The following SYNPO variants were observed in gnomAD, a reference collection of about 807,000 sequenced individuals.
SYNPO encodes the protein synaptopodin.
SYNPO carries 19 observed loss-of-function variants against 49.5 expected under a neutral mutation model. The observed-to-expected ratio is 0.38, with a 90% CI of 0.27 to 0.56. The LOEUF is 0.56. SYNPO is among the 20% of genes least tolerant of loss of function. The pLI, the probability that SYNPO is intolerant of heterozygous loss-of-function variation, is 0.68. For missense variants in SYNPO, 1,131 were observed against 1,248.3 expected, an observed-to-expected ratio of 0.91 and a Z score of 1.42; for synonymous variants, 536 against 548.0, an observed-to-expected ratio of 0.98 and a Z score of 0.31.
chr5:150,614,959 G>T (rs565510581), intron 1 of SYNPO: 2 of 152,658 alleles, frequency 1.3e-5, no homozygotes, highest in African/African-American at 4.8e-5. Flanking sequence ...CCACCCGTGT[G>T]ACTCTGAACA....
At chr5:150,638,193 A>G (rs13167775), upstream of SYNPO, among the ~76,000 whole-genome samples, 2,338 of 152,308 alleles carry the variant, frequency 0.015, 27 homozygotes, top group Non-Finnish European at 0.025. Flanking sequence ...TTCAAGAGCT[A>G]GGACATATGT....
At chr5:150,640,178 C>T (rs1338240291), upstream of SYNPO, 4 of 985,052 alleles carry the variant, frequency 4.1e-6, no homozygotes, top group South Asian at 1.4e-4. Context: ...ATAAATAATA[C>T]ACAAGGTGGT....
Position 150,657,054 on chromosome 5 carries a change from C to CA in SYNPO, c.2680dup (p.Ser894LysfsTer64). On this transcript the variant is annotated frameshift_variant, in exon 3 of 3. Coordinates refer to ENST00000307662, the MANE Select transcript of SYNPO (RefSeq NM_007286.6). LOFTEE classifies it high-confidence loss of function. The stretch of plus-strand genomic sequence containing the variant: ...ATGGCAGCCTTCGGCTCAAGCGTGG[C>CA]AGCCTCCCCGCCGAGGCCTCCTGCA... The CA allele has an allele frequency of 1.3e-6, 2 of 1,597,478 alleles. No individual in the cohort carries two copies. Among genetic ancestry groups the CA allele is most frequent in the South Asian group, 1.1e-5 (1 of 88,608 alleles).
chr5:150,609,967 C>T (rs571120086), intron 1 of SYNPO, among the ~76,000 whole-genome samples: 60 of 152,362 alleles, frequency 3.9e-4, no homozygotes, highest in African/African-American at 1.4e-3. Flanking sequence ...CCTGCCTGAC[C>T]TCAGCCAGTC....
At chr5:150,605,049 G>A (rs897425461) in intron 1 of SYNPO, among the ~76,000 whole-genome samples, 9 of 152,152 alleles carry the variant, frequency 5.9e-5, no homozygotes, top group South Asian at 4.1e-4. Flanking sequence ...GCAGTTATGC[G>A]GATGAAATGA....
At chr5:150,654,262 G>A (rs1758485144) in intron 2 of SYNPO, 1 of 152,008 alleles carries the variant, frequency 6.6e-6, no homozygotes, top group Admixed American at 6.6e-5. Flanking sequence ...TGAACAGTTG[G>A]AAAGTTCAGG....
At chr5:150,646,884 C>T (rs1389312924) in intron 1 of SYNPO, among the ~76,000 whole-genome samples, 2 of 152,216 alleles carry the variant, frequency 1.3e-5, no homozygotes, top group African/African-American at 4.8e-5. Flanking sequence ...TTTGTGCATT[C>T]AGCAATATCT....
At position 150,649,916 on chromosome 5, in the gene SYNPO, C is replaced by G. The variant is rs1438575192; in HGVS notation, c.1641C>G (p.Gly547=). ...ARTPPASLYH[G]YLPENGVLRP... is the part of the protein sequence containing the mutation. ...CCCCGCCTGCCTCCCTCTACCATGG[C>G]TACCTGCCTGAGAACGGGGTCCTGC... Residue 547 remains glycine (G), a synonymous_variant, in exon 2 of 3, where the codon GGC becomes GGG. Transcript: ENST00000307662. The G allele has an allele frequency of 6.2e-7, 1 of 1,611,852 alleles. No individual in the cohort carries two copies. Among genetic ancestry groups the G allele is most frequent in the African/African-American group, 1.3e-5 (1 of 74,946 alleles).
At chr5:150,625,435 T>C (rs1292728491) in intron 2 of SYNPO, among the ~76,000 whole-genome samples, 1 of 152,182 alleles carries the variant, frequency 6.6e-6, no homozygotes, top group Admixed American at 6.5e-5. Flanking sequence ...CTCTGGGGTC[T>C]GGCTGTGCCG....
chr5:150,592,580 C>A, the SYNPO span, among the ~76,000 whole-genome samples: 6,968 of 152,298 alleles, frequency 0.046, 529 homozygotes, highest in African/African-American at 0.16. Flanking sequence ...GAAATTCTGA[C>A]GGCTCCATGC....
intron 2 of SYNPO, among the ~76,000 whole-genome samples, chr5:150,634,594 G>T (rs1173580994): frequency 6.6e-6 from 1 of 152,154 alleles, no homozygotes; most frequent in Non-Finnish European, 1.5e-5. Flanking sequence ...CAAGGCAGGA[G>T]GATTGCTTGA....
chr5:150,657,870 C>T lies in SYNPO; in HGVS notation c.*783C>T, dbSNP rs78951127. 0.025 allele frequency: 3,798 copies of T among 152,482 alleles called. 138 individuals are homozygous for T. The highest frequency in any genetic ancestry group is 0.15 in the East Asian group (786 of 5,322). 9.4% of individuals were successfully genotyped at this position (152,482 alleles called of 1,614,324 possible). Reference sequence around the variant, plus strand: ...CAGACTGTCCAGGACATCTTATCTGCAGCCATAAGAGAATTATAAGGCAGT... The same window carrying T: ...CAGACTGTCCAGGACATCTTATCTGTAGCCATAAGAGAATTATAAGGCAGT... On this transcript the variant is annotated 3_prime_UTR_variant, in exon 3 of 3. Transcript: ENST00000307662.
chr5:150,599,361 TG>T (rs1756480996), upstream of SYNPO, among the ~76,000 whole-genome samples: 1 of 152,078 alleles, frequency 6.6e-6, no homozygotes, highest in Non-Finnish European at 1.5e-5. Context: ...ATGGATGGTT[TG>T]GGGGTGCTCT....
chr5:150,617,966 T>C (rs1391101507), intron 1 of SYNPO: 2 of 164,820 alleles, frequency 1.2e-5, no homozygotes, highest in East Asian at 3.3e-4. Context: ...AACACTTCCC[T>C]ATGGAAGTGT....
At position 150,649,857 on chromosome 5, in the gene SYNPO, G is replaced by A; in HGVS notation, c.1582G>A (p.Ala528Thr). Residue 528 changes from alanine (A) to threonine (T), a missense_variant, in exon 2 of 3, where the codon GCC (alanine) becomes ACC (threonine). Around this residue, in one of 4 missense-constraint regions of SYNPO, gnomAD observed 602 missense variants for 720.7 expected, o/e 0.84. Coordinates refer to ENST00000307662, the MANE Select transcript of SYNPO (RefSeq NM_007286.6). ...GAAATACCCCACTAACGCCCCCGGGGCCTTCCGAGTGGCATCCCGAAGCCC... is the reference window on the plus strand; with the variant it reads ...GAAATACCCCACTAACGCCCCCGGGACCTTCCGAGTGGCATCCCGAAGCCC... ...SWKYPTNAPG[A>T]FRVASRSPAR... 2 of 1,608,708 alleles carry A rather than the reference G, an allele frequency of 1.2e-6. No homozygotes were observed. Among genetic ancestry groups the A allele is most frequent in the Non-Finnish European group, 1.7e-6 (2 of 1,179,962 alleles).
At chr5:150,588,829 A>C in the SYNPO span, among the ~76,000 whole-genome samples, 2 of 152,148 alleles carry the variant, frequency 1.3e-5, no homozygotes, top group African/African-American at 4.8e-5. Flanking sequence ...TGTATTGCAC[A>C]GTCACTTATT....
chr5:150,637,124 T>C (rs930234450), upstream of SYNPO, among the ~76,000 whole-genome samples: 1 of 152,154 alleles, frequency 6.6e-6, no homozygotes, highest in African/African-American at 2.4e-5. Flanking sequence ...AGCCCAGCAA[T>C]TTGAATAGGA....
At chr5:150,595,712 C>T in the SYNPO span, among the ~76,000 whole-genome samples, 2 of 152,214 alleles carry the variant, frequency 1.3e-5, no homozygotes, top group Non-Finnish European at 2.9e-5. Flanking sequence ...CTGGCCTTCG[C>T]GATAAGGCGC....
the SYNPO span, among the ~76,000 whole-genome samples, chr5:150,590,318 G>T: frequency 3.9e-5 from 6 of 152,202 alleles, no homozygotes; most frequent in Non-Finnish European, 8.8e-5. Flanking sequence ...CCCCTGGAGG[G>T]GGAGAGAGGG....
Sources: allele counts gnomAD v4.1 joint callset (sites outside exome capture counted in the v4.1 genomes callset), GRCh38; gene constraint gnomAD v4.1.1; regional missense constraint gnomAD v4.1.1; transcripts MANE v1.5; gene names NCBI Gene and HGNC (gene_info 2026-07-23, HGNC 2026-07-21).